The following HECW1 variants were observed in gnomAD, a reference collection of about 807,000 sequenced individuals.
HECW1 encodes HECT, C2 and WW domain containing E3 ubiquitin protein ligase 1.
A neutral mutation model predicts 182.3 loss-of-function variants in HECW1; 61 were observed. The ratio of observed to expected loss-of-function variants is 0.33; its 90% CI spans 0.27 to 0.41. The LOEUF (loss-of-function observed/expected upper bound fraction) is 0.41, where lower values mean the gene tolerates loss of function less well. HECW1 is among the 10% of genes least tolerant of loss of function. The probability of loss-of-function intolerance (pLI) is 1.00; values close to 1 mark genes in which losing one functional copy is unlikely to be tolerated. For synonymous variants in HECW1, 859 were observed against 832.6 expected, an observed-to-expected ratio of 1.03 and a Z score of -0.55; for missense variants, 1,739 against 2,108.9, an observed-to-expected ratio of 0.82 and a Z score of 3.44.
Position 43,265,689 on chromosome 7 carries a change from A to G in HECW1, c.27+21757A>G, listed in dbSNP as rs533120669. ...ACAATTCAAATCAATTCTGGCACTCACTCCTGGAGTTAGCCCAAATCCTAC... is the reference window on the plus strand; with the variant it reads ...ACAATTCAAATCAATTCTGGCACTCGCTCCTGGAGTTAGCCCAAATCCTAC... On this transcript the variant is annotated intron_variant, in intron 3 of 29. Coordinates refer to ENST00000395891, the MANE Select transcript of HECW1 (RefSeq NM_015052.5). Among the ~76,000 whole-genome samples, 17 of 152,044 alleles carry G rather than the reference A, an allele frequency of 1.1e-4. No individual in the cohort carries two copies. The South Asian group carries it at 3.3e-3, about 30-fold the overall frequency.
chr7:43,420,857 C>A (rs1334018170), intron 8 of HECW1, among the ~76,000 whole-genome samples: 5 of 152,088 alleles, frequency 3.3e-5, no homozygotes, highest in Admixed American at 2.6e-4. Flanking sequence ...CTTTAGGTGT[C>A]AATTCTTCCC....
chr7:43,251,064 C>A (rs775110993), intron 3 of HECW1, among the ~76,000 whole-genome samples: 103 of 152,308 alleles, frequency 6.8e-4, no homozygotes, highest in Non-Finnish European at 1.1e-3. Flanking sequence ...CCCCACCCCC[C>A]TTACTGGATG....
chr7:43,182,283 C>G (rs1442621983), intron 2 of HECW1, among the ~76,000 whole-genome samples: 1 of 152,152 alleles, frequency 6.6e-6, no homozygotes, highest in Non-Finnish European at 1.5e-5. Flanking sequence ...TTCATAGTTT[C>G]TGGTCTTATA....
intron 6 of HECW1, among the ~76,000 whole-genome samples, chr7:43,376,712 A>C (rs924194933): frequency 2.0e-5 from 3 of 152,034 alleles, no homozygotes; most frequent in African/African-American, 7.3e-5. Context: ...CAAAAATATA[A>C]AAAATTAGCT....
intron 2 of HECW1, among the ~76,000 whole-genome samples, chr7:43,171,685 T>A (rs772831497): frequency 6.6e-6 from 1 of 152,242 alleles, no homozygotes; most frequent in African/African-American, 2.4e-5. Flanking sequence ...TGAAGAATTG[T>A]CTGAGAATGA....
intron 24 of HECW1, among the ~76,000 whole-genome samples, chr7:43,516,537 G>T (rs1485918114): frequency 6.6e-6 from 1 of 152,086 alleles, no homozygotes; most frequent in African/African-American, 2.4e-5. Context: ...AATTCTTTTT[G>T]TCCCAATCAT....
chr7:43,240,301 A>G (rs550087682), intron 2 of HECW1, among the ~76,000 whole-genome samples: 44 of 152,260 alleles, frequency 2.9e-4, no homozygotes, highest in African/African-American at 1.0e-3. Context: ...TCTGGCCACT[A>G]CACTCCAGCC....
At chr7:43,436,614 C>T (rs1003355835) in intron 8 of HECW1, among the ~76,000 whole-genome samples, 2 of 152,126 alleles carry the variant, frequency 1.3e-5, no homozygotes, top group African/African-American at 2.4e-5. Flanking sequence ...GAAGGAATTT[C>T]ACAAGGTAAT....
chr7:43,274,892 C>T (rs1584283064), intron 3 of HECW1, among the ~76,000 whole-genome samples: 1 of 152,292 alleles, frequency 6.6e-6, no homozygotes, highest in East Asian at 1.9e-4. Context: ...AAAGTACTGT[C>T]ATTTTGCCTA....
chr7:43,240,408 T>G (rs1409031070), intron 2 of HECW1, among the ~76,000 whole-genome samples: 1 of 152,234 alleles, frequency 6.6e-6, no homozygotes, highest in Non-Finnish European at 1.5e-5. Flanking sequence ...CACCCATGAA[T>G]GATCTTGACC....
intron 3 of HECW1, among the ~76,000 whole-genome samples, chr7:43,255,552 G>A (rs568536202): frequency 6.7e-6 from 1 of 148,902 alleles, no homozygotes; most frequent in East Asian, 2.0e-4. Flanking sequence ...AGCCAAGATC[G>A]CACCACTGCA....
At chr7:43,122,849 CATAT>C (rs1376044994) in intron 2 of HECW1, among the ~76,000 whole-genome samples, 1 of 152,174 alleles carries the variant, frequency 6.6e-6, no homozygotes, top group African/African-American at 2.4e-5. Flanking sequence ...ATACACATAA[CATAT>C]ATAAACACAT....
At chr7:43,179,860 T>TA (rs879825126) in intron 2 of HECW1, among the ~76,000 whole-genome samples, 68 of 152,226 alleles carry the variant, frequency 4.5e-4, no homozygotes, top group South Asian at 8.3e-4. Flanking sequence ...TATCACCATG[T>TA]AAATCGACCC....
At chr7:43,236,581 A>G (rs535738049) in intron 2 of HECW1, among the ~76,000 whole-genome samples, 4 of 152,340 alleles carry the variant, frequency 2.6e-5, no homozygotes, top group African/African-American at 7.2e-5. Flanking sequence ...TCATAGGTAG[A>G]TAAGAGACAG....
intron 3 of HECW1, chr7:43,249,613 G>T (rs1386815639): frequency 6.6e-6 from 1 of 152,200 alleles, no homozygotes; most frequent in Admixed American, 6.5e-5. Flanking sequence ...TTCAGGCTTG[G>T]TTTAAACTAG....
intron 5 of HECW1, among the ~76,000 whole-genome samples, chr7:43,327,394 G>A (rs1810935407): frequency 6.6e-6 from 1 of 152,138 alleles, no homozygotes; most frequent in African/African-American, 2.4e-5. Flanking sequence ...TGAAATCATG[G>A]TTAAAATTGC....
chr7:43,467,035 T>C (rs551847771), intron 15 of HECW1, among the ~76,000 whole-genome samples: 1 of 152,372 alleles, frequency 6.6e-6, no homozygotes, highest in Admixed American at 6.5e-5. Flanking sequence ...TATGTAGTTT[T>C]TTCATTGCTT....
chr7:43,139,752 G>A (rs928723484), intron 2 of HECW1, among the ~76,000 whole-genome samples: 6 of 151,854 alleles, frequency 4.0e-5, no homozygotes, highest in Admixed American at 3.3e-4. Context: ...TCCAAGTTTG[G>A]TTTCGTTTCT....
At chr7:43,417,220 T>G (rs2076040909) in intron 8 of HECW1, among the ~76,000 whole-genome samples, 1 of 152,044 alleles carries the variant, frequency 6.6e-6, no homozygotes, top group South Asian at 2.1e-4. Flanking sequence ...CCAGCTAATT[T>G]TTGTGTTTTT....
Sources: allele counts gnomAD v4.1 joint callset (sites outside exome capture counted in the v4.1 genomes callset), GRCh38; gene constraint gnomAD v4.1.1; transcripts MANE v1.5; gene names NCBI Gene and HGNC (gene_info 2026-07-23, HGNC 2026-07-21).